The following TACC2 variants were observed in gnomAD, a reference collection of about 807,000 sequenced individuals.
TACC2 encodes transforming acidic coiled-coil-containing protein 2.
A neutral mutation model predicts 227.3 loss-of-function variants in TACC2; 137 were observed. The ratio of observed to expected loss-of-function variants is 0.60; its 90% CI spans 0.52 to 0.69. The LOEUF (loss-of-function observed/expected upper bound fraction) is 0.69. Ranked by LOEUF, TACC2 falls within the 30% of genes least tolerant of loss-of-function variation. TACC2 has a pLI of 0.00. For missense variants in TACC2, 3,470 were observed against 3,694.4 expected (o/e 0.94, Z 1.57); for synonymous variants, 1,523 against 1,487.5 (o/e 1.02, Z -0.55).
At position 122,087,570 on chromosome 10, in the gene TACC2, C is replaced by G; in HGVS notation, c.5070C>G (p.Asp1690Glu). 1 of 1,613,758 alleles carries G rather than the reference C, an allele frequency of 6.2e-7. No individual in the cohort carries two copies. The highest frequency in any genetic ancestry group is 8.5e-7 in the Non-Finnish European group (1 of 1,180,040). Reference protein sequence around the residue: ...TPAPPTGEVADTPLEPGKVAG... With the variant: ...TPAPPTGEVAETPLEPGKVAG... ...CACCACCAACTGGAGAAGTGGCAGACACTCCCCTGGAGCCTGGCAAGGTGG... is the reference window on the plus strand; with the variant it reads ...CACCACCAACTGGAGAAGTGGCAGAGACTCCCCTGGAGCCTGGCAAGGTGG... Residue 1690 changes from aspartate (D) to glutamate (E), a missense_variant, in exon 4 of 23, where the codon GAC becomes GAG. By Grantham distance (45) the Asp-to-Glu change is conservative. This residue lies in a region of TACC2 where 1,924 missense variants were observed against 1,978.3 expected (regional missense o/e 0.97). Transcript: ENST00000369005.
chr10:121,999,882 A>C (rs1954058979), intron 1 of TACC2, among the ~76,000 whole-genome samples: 1 of 152,238 alleles, frequency 6.6e-6, no homozygotes, highest in South Asian at 2.1e-4. Context: ...TCAGGAAGTT[A>C]ACCTTTAGAA....
intron 7 of TACC2, among the ~76,000 whole-genome samples, chr10:122,182,424 G>T (rs2094001597): frequency 6.6e-6 from 1 of 152,132 alleles, no homozygotes; most frequent in African/African-American, 2.4e-5. Context: ...AGCTCACCAC[G>T]ATTTCTGAGT....
chr10:122,008,633 C>G (rs1264191422), intron 1 of TACC2, among the ~76,000 whole-genome samples: 1 of 151,650 alleles, frequency 6.6e-6, no homozygotes, highest in East Asian at 2.0e-4. Flanking sequence ...AGTGCAGTGG[C>G]ACAGTCTCTA....
In TACC2 at chr10:122,124,620, C is replaced by T. The variant is rs911762029; in HGVS notation, c.5574-7989C>T. On this transcript the variant is annotated intron_variant, in intron 5 of 22. Coordinates refer to ENST00000369005, the MANE Select transcript of TACC2 (RefSeq NM_206862.4). ...CTGCCGAAGTGGCTGGCATATCACG[C>T]TGTGTCCTCCAGACCCAAACGGAGC... is the stretch of plus-strand genomic sequence containing the variant. 7.2e-5 allele frequency among the ~76,000 whole-genome samples: 11 copies of T among 152,228 alleles called. No homozygotes were observed. The South Asian group carries it at 2.3e-3, about 32-fold the overall frequency.
intron 2 of TACC2, among the ~76,000 whole-genome samples, chr10:122,039,270 T>A (rs1736693050): frequency 6.6e-6 from 1 of 152,166 alleles, no homozygotes; most frequent in Admixed American, 6.6e-5. Flanking sequence ...GCCACCGTGC[T>A]GGCCTCCTGA....
intron 5 of TACC2, among the ~76,000 whole-genome samples, chr10:122,106,018 G>A (rs1258008694): frequency 2.9e-5 from 4 of 139,858 alleles, no homozygotes; most frequent in Admixed American, 2.3e-4. Context: ...ATGGGGTCTC[G>A]CTCTTGTTGC....
intron 7 of TACC2, among the ~76,000 whole-genome samples, chr10:122,176,612 T>G (rs2093732100): frequency 1.3e-5 from 2 of 151,914 alleles, no homozygotes; most frequent in Admixed American, 1.3e-4. Flanking sequence ...TGTGTGGCCT[T>G]GTAGATAACC....
chr10:122,114,577 C>T (rs2084296339), intron 5 of TACC2, among the ~76,000 whole-genome samples: 1 of 152,178 alleles, frequency 6.6e-6, no homozygotes, highest in Non-Finnish European at 1.5e-5. Context: ...TTCTCACAGG[C>T]TCTGCCTGGG....
At chr10:122,163,955 C>T (rs759489710) in intron 7 of TACC2, 1 of 1,588,834 alleles carries the variant, frequency 6.3e-7, no homozygotes, top group Non-Finnish European at 8.6e-7. Flanking sequence ...GCAGCCAGCC[C>T]CAGCCAGCGA....
At position 122,107,301 on chromosome 10, in the gene TACC2, G is replaced by A. The variant is rs1363385032; in HGVS notation, c.5573+18710G>A. 6.6e-5 allele frequency among the ~76,000 whole-genome samples: 10 copies of A among 152,054 alleles called. No homozygotes were observed. In the East Asian group the frequency reaches 1.7e-3, roughly 26 times the overall value. On this transcript the variant is annotated intron_variant, in intron 5 of 22. Coordinates refer to ENST00000369005, the MANE Select transcript of TACC2 (RefSeq NM_206862.4). ...TCTAATCCCAGCACTTTGGGAGGCC[G>A]AGGCGCGTGGATCACTTGAGGTCAC...
chr10:122,190,169 T>C (rs2094357337), intron 7 of TACC2, among the ~76,000 whole-genome samples: 1 of 152,238 alleles, frequency 6.6e-6, no homozygotes, highest in Non-Finnish European at 1.5e-5. Context: ...TGTATGTGTG[T>C]GGATGCTGAT....
intron 8 of TACC2, among the ~76,000 whole-genome samples, chr10:122,199,932 A>G (rs1483272872): frequency 1.3e-5 from 2 of 152,196 alleles, no homozygotes; most frequent in Non-Finnish European, 2.9e-5. Context: ...TCATGAGGAC[A>G]CTGCCCCCAT....
chr10:122,029,466 A>T (rs1958655622), intron 2 of TACC2, among the ~76,000 whole-genome samples: 1 of 152,060 alleles, frequency 6.6e-6, no homozygotes, highest in South Asian at 2.1e-4. Context: ...GTTTTCTTTT[A>T]TGTCTGGTTT....
At chr10:122,048,938 G>A (rs2075361126) in intron 2 of TACC2, among the ~76,000 whole-genome samples, 1 of 152,228 alleles carries the variant, frequency 6.6e-6, no homozygotes, top group African/African-American at 2.4e-5. Flanking sequence ...CAAACTCTGA[G>A]TTAAAATTCA....
chr10:121,996,438 A>T (rs1953510295), intron 1 of TACC2, among the ~76,000 whole-genome samples: 1 of 151,954 alleles, frequency 6.6e-6, no homozygotes, highest in South Asian at 2.1e-4. Flanking sequence ...GCACCAAACC[A>T]TTCCTGAGGG....
rs759735357 is a variant in TACC2, at chr10:122,084,686, C to A, written c.2186C>A (p.Ala729Glu). ...EKSDFPPTPV[A>E]EVAPKAQEGE... ...TCAGATTTTCCACCAACTCCTGTTGCAGAGGTTGCACCCAAAGCCCAGGAA... is the reference window on the plus strand; with the variant it reads ...TCAGATTTTCCACCAACTCCTGTTGAAGAGGTTGCACCCAAAGCCCAGGAA... The change falls in exon 4 of 23, where the codon GCA becomes GAA. Residue 729 changes from alanine to glutamate, a missense_variant. Around this residue, in one of 10 missense-constraint regions of TACC2, gnomAD observed 1,924 missense variants for 1,978.3 expected, o/e 0.97. Transcript: ENST00000369005. The A allele has an allele frequency of 1.2e-6, 2 of 1,613,690 alleles. No homozygotes were observed. Among genetic ancestry groups the A allele is most frequent in the South Asian group, 1.1e-5 (1 of 91,088 alleles).
intron 1 of TACC2, among the ~76,000 whole-genome samples, chr10:122,003,655 T>C (rs1590919226): frequency 7.0e-6 from 1 of 143,374 alleles, no homozygotes; most frequent in African/African-American, 2.6e-5. Context: ...CTAAACCACC[T>C]TTTTTTTTTT....
At chr10:122,031,469 A>G (rs938169673) in intron 2 of TACC2, among the ~76,000 whole-genome samples, 12 of 143,162 alleles carry the variant, frequency 8.4e-5, no homozygotes, top group South Asian at 6.6e-4. Flanking sequence ...CAGTGGCACA[A>G]TCTCGGCTCA....
chr10:122,042,043 T>C (rs1417432662), intron 2 of TACC2, among the ~76,000 whole-genome samples: 1 of 152,142 alleles, frequency 6.6e-6, no homozygotes, highest in Non-Finnish European at 1.5e-5. Flanking sequence ...CCTCCCAGGT[T>C]CACGCCATTC....
Sources: gnomAD v4.1 joint callset for allele counts (sites outside exome capture counted in the v4.1 genomes callset) on GRCh38, gnomAD v4.1.1 for gene constraint, gnomAD v4.1.1 regional missense constraint, MANE v1.5 for transcripts, NCBI Gene and HGNC (gene_info 2026-07-23, HGNC 2026-07-21) for gene names.